FHIP1B: variants seen among roughly 807,000 people sequenced by gnomAD.
FHIP1B encodes the protein FHF complex subunit HOOK-interacting protein 1B.
A neutral mutation model predicts 82.2 loss-of-function variants in FHIP1B; 28 were observed. That is an observed-to-expected ratio of 0.34 (90% confidence interval 0.25 to 0.47). FHIP1B has a LOEUF of 0.47. Among genes scored for constraint, FHIP1B ranks in the 20% least tolerant of loss-of-function variants. The pLI is 1.00. For missense variants in FHIP1B, 1,110 were observed against 1,262.6 expected (o/e 0.88, Z 1.83); for synonymous variants, 585 against 516.1 (o/e 1.13, Z -1.81).
chr11:6,224,489 G>C lies in FHIP1B; in HGVS notation c.28C>G (p.Leu10Val), dbSNP rs369082687. 2.5e-6 allele frequency: 4 copies of C among 1,613,648 alleles called. No homozygotes were observed. The highest frequency in any genetic ancestry group is 3.4e-6 in the Non-Finnish European group (4 of 1,179,802). ...CGGTGCCCAGGGCCCCGGGAGGCCA[G>C]TCTGCTCAGCCAATTCATCCTCTCC... MERMNWLSR[L>V]ASRGPGHRIP... The change falls in exon 2 of 12, where the codon CTG becomes GTG. Residue 10 changes from leucine (L) to valine (V), a missense_variant. This residue lies in a region of FHIP1B where 467 missense variants were observed against 602.9 expected (regional missense o/e 0.77). Transcript: ENST00000449352.
chr11:6,211,710 T>C lies in FHIP1B; in HGVS notation c.2715A>G (p.Leu905=), dbSNP rs1210175431. The change falls in exon 12 of 12, where the codon CTA becomes CTG. Residue 905 remains leucine, a synonymous_variant. Transcript: ENST00000449352. ...GTTCAGGGGCCCCGCCCCGGGTGAG[T>C]AGAACTGGAGTTGAAGCCCCAGGGG... ...GGSPGASTPV[L]LTRGGAPERQ... 6.2e-7 allele frequency: 1 copy of C among 1,614,108 alleles called. No individual in the cohort carries two copies. Among genetic ancestry groups the C allele is most frequent in the Non-Finnish European group, 8.5e-7 (1 of 1,179,984 alleles).
At chr11:6,219,460 T>C (rs1182169146) in intron 6 of FHIP1B, among the ~76,000 whole-genome samples, 1 of 152,114 alleles carries the variant, frequency 6.6e-6, no homozygotes, top group African/African-American at 2.4e-5. Context: ...ACTGTAGCAA[T>C]ACAGTAACTG....
intron 11 of FHIP1B, among the ~76,000 whole-genome samples, chr11:6,213,405 A>G (rs1590602796): frequency 6.6e-6 from 1 of 152,214 alleles, no homozygotes; most frequent in African/African-American, 2.4e-5. Flanking sequence ...CCTCAAAGGG[A>G]GAAAAACAAA....
chr11:6,215,554 A>C lies in FHIP1B; in HGVS notation c.2216-643T>G, dbSNP rs573583816. Among the ~76,000 whole-genome samples, 72 of 152,374 alleles carry C rather than the reference A, an allele frequency of 4.7e-4. No individual in the cohort carries two copies. The Middle Eastern group carries it at 0.01, about 22-fold the overall frequency. On this transcript the variant is annotated intron_variant, in intron 9 of 11. Coordinates refer to ENST00000449352, the MANE Select transcript of FHIP1B (RefSeq NM_001098794.2). The stretch of plus-strand genomic sequence containing the variant: ...TAACTATGTGAGCCAATTTAAAGTT[A>C]GGGAAAAAAATATTTGGAGGACCAG...
chr11:6,232,700 G>A (rs1847728011), intron 1 of FHIP1B, among the ~76,000 whole-genome samples: 1 of 152,188 alleles, frequency 6.6e-6, no homozygotes, highest in Non-Finnish European at 1.5e-5. Context: ...CAGATGTTAA[G>A]TTATACAGAA....
rs562911366 is a variant in FHIP1B, at chr11:6,224,363, C to T, written c.138+16G>A. 55 of 1,614,100 alleles carry T rather than the reference C, an allele frequency of 3.4e-5. No homozygotes were observed. Among genetic ancestry groups the T allele is most frequent in the Non-Finnish European group, 4.2e-5 (50 of 1,180,054 alleles). Reference sequence around the variant, plus strand: ...GGTGATCAGCAGACAAGGCCCTTTGCCATACAGTCTCCTACCTGGGACCAG... The same window carrying T: ...GGTGATCAGCAGACAAGGCCCTTTGTCATACAGTCTCCTACCTGGGACCAG... On this transcript the variant is annotated intron_variant, in intron 2 of 11. Transcript: ENST00000449352.
Position 6,217,710 on chromosome 11 carries a change from C to T in FHIP1B, c.1876G>A (p.Gly626Ser), listed in dbSNP as rs1405006621. ...RRGRAGGAGEGPGHLPPPQLN... is the reference protein window; with the variant it reads ...RRGRAGGAGESPGHLPPPQLN... ...TGGGGAGGGGGCAGGTGACCAGGGC[C>T]CTCCCCTGCACCCCCAGCCCGCCCC... Residue 626 changes from glycine (G) to serine (S), a missense_variant, in exon 9 of 12, where the codon GGC (glycine) becomes AGC (serine). Transcript: ENST00000449352. The T allele has an allele frequency of 6.2e-7, 1 of 1,612,124 alleles. No homozygotes were observed. Among genetic ancestry groups the T allele is most frequent in the East Asian group, 2.2e-5 (1 of 44,770 alleles).
At chr11:6,218,220 G>A (rs1847304205) in intron 8 of FHIP1B, 70 bp from the exon 9 acceptor site, 2 of 1,506,846 alleles carry the variant, frequency 1.3e-6, no homozygotes, top group South Asian at 1.3e-5. Context: ...GACACCTCGG[G>A]AGACTAAGAA....
At chr11:6,217,038 A>G in intron 9 of FHIP1B, 1 of 696,926 alleles carries the variant, frequency 1.4e-6, no homozygotes, top group Admixed American at 2.0e-5. Context: ...TATTGCTGTG[A>G]TTCACCAGGA....
At chr11:6,216,942 CAGAT>C in intron 9 of FHIP1B, 1 of 619,360 alleles carries the variant, frequency 1.6e-6, no homozygotes, top group South Asian at 1.9e-5. Flanking sequence ...AAGACCCAGA[CAGAT>C]AAACTGGACG....
chr11:6,231,708 A>T (rs555829345), intron 1 of FHIP1B, among the ~76,000 whole-genome samples: 1 of 152,206 alleles, frequency 6.6e-6, no homozygotes, highest in Non-Finnish European at 1.5e-5. Flanking sequence ...GCAGGGTTTC[A>T]AAATGTTGCC....
In FHIP1B at chr11:6,223,946, C is replaced by G. The variant is rs1307815494; in HGVS notation, c.441G>C (p.Arg147=). 1 of 1,614,216 alleles carries G rather than the reference C, an allele frequency of 6.2e-7. No homozygotes were observed. Among genetic ancestry groups the G allele is most frequent in the South Asian group, 1.1e-5 (1 of 91,092 alleles). ...LVSEARQPLL[R]HGPVREALLT... ...GCAGAGCCTCACGAACTGGACCATG[C>G]CGCAACAGTGGCTGGCGAGCTTCGC... Residue 147 remains arginine, a synonymous_variant, in exon 3 of 12, where the codon CGG becomes CGC. Coordinates refer to ENST00000449352, the MANE Select transcript of FHIP1B (RefSeq NM_001098794.2). This position sits in a 1 kb window ranked among gnomAD's most constrained non-coding sequence, Gnocchi z 4.8.
At position 6,211,556 on chromosome 11, in the gene FHIP1B, C is replaced by G; in HGVS notation, c.2869G>C (p.Glu957Gln). Residue 957 changes from glutamate to glutamine, a missense_variant, in exon 12 of 12, where the codon GAG becomes CAG. Transcript: ENST00000449352. ...GAGATGAGAGGGCCAGATCCTTCCT[C>G]TGAAGTCTCCAACAAGAAAGGCGAG... ...VTSPFLLETS[E>Q]EGSGPLISGC... 6.2e-7 allele frequency: 1 copy of G among 1,613,712 alleles called. No homozygotes were observed. The highest frequency in any genetic ancestry group is 8.5e-7 in the Non-Finnish European group (1 of 1,179,778).
intron 11 of FHIP1B, among the ~76,000 whole-genome samples, chr11:6,213,674 C>T (rs1203460733): frequency 1.3e-5 from 2 of 152,030 alleles, no homozygotes; most frequent in Non-Finnish European, 2.9e-5. Context: ...ATATTTAATT[C>T]TTCCTCCTTC....
At position 6,218,651 on chromosome 11, in the gene FHIP1B, G is replaced by A. The variant is rs35932378; in HGVS notation, c.1384C>T (p.Arg462Trp). Residue 462 changes from arginine (R) to tryptophan (W), a missense_variant, in exon 8 of 12, where the codon CGG becomes TGG. By Grantham distance (101) the Arg-to-Trp change is moderately radical (BLOSUM62 -3). Around this residue, in one of 6 missense-constraint regions of FHIP1B, gnomAD observed 467 missense variants for 602.9 expected, o/e 0.77. Coordinates refer to ENST00000449352, the MANE Select transcript of FHIP1B (RefSeq NM_001098794.2). ...CGAGGTGGGCTGGGGGCGTGGTGCC[G>A]ACAACAGCGTGGGATTAGGGAGAGA... Reference protein sequence around the residue: ...KFLSLIPRCCRHHAPSPPRPE... With the variant: ...KFLSLIPRCCWHHAPSPPRPE... 4.0e-5 allele frequency: 65 copies of A among 1,614,014 alleles called. No individual in the cohort carries two copies. Among genetic ancestry groups the A allele is most frequent in the East Asian group, 6.7e-5 (3 of 44,878 alleles).
chr11:6,217,633 C>T lies in FHIP1B; in HGVS notation c.1953G>A (p.Leu651=), dbSNP rs1564860400. The change falls in exon 9 of 12, where the codon CTG becomes CTA. Residue 651 remains leucine (L), a synonymous_variant. Transcript: ENST00000449352. ...GTTCCCCAGCTCCCTCCTTTGGCAC[C>T]AGACGAACCTTCTTGGCCCCCTCAG... The part of the protein sequence containing the change: ...SWPEGAKKVR[L]VPKEGAGELL... 1 of 1,614,022 alleles carries T rather than the reference C, an allele frequency of 6.2e-7. No homozygotes were observed. Among genetic ancestry groups the T allele is most frequent in the Admixed American group, 1.7e-5 (1 of 60,002 alleles).
intron 9 of FHIP1B, 152 bp downstream of exon 9, chr11:6,217,219 G>A: frequency 1.4e-6 from 1 of 737,370 alleles, no homozygotes; most frequent in Non-Finnish European, 2.4e-6. Flanking sequence ...AGTATGACAT[G>A]ACACGTATCT....
intron 9 of FHIP1B, 50 bp from the exon 10 acceptor site, chr11:6,214,961 C>G (rs771965998): frequency 3.4e-6 from 5 of 1,464,450 alleles, no homozygotes; most frequent in East Asian, 2.4e-5. Context: ...GAACACAATG[C>G]ACATCGCACG....
chr11:6,215,026 C>T (rs1211479741), intron 9 of FHIP1B, 115 bp from the exon 10 acceptor site: 6 of 1,048,776 alleles, frequency 5.7e-6, no homozygotes, highest in Non-Finnish European at 7.8e-6. Context: ...TGTATGTCAG[C>T]CTCTGGGTAT....
Sources: allele counts gnomAD v4.1 joint callset (sites outside exome capture counted in the v4.1 genomes callset), GRCh38; gene constraint gnomAD v4.1.1; regional missense constraint gnomAD v4.1.1; non-coding constraint Gnocchi (gnomAD v3.1); transcripts MANE v1.5; gene names NCBI Gene and HGNC (gene_info 2026-07-23, HGNC 2026-07-21).